Variants in DUSP16 observed in about 807,000 individuals in gnomAD.
DUSP16 encodes dual specificity protein phosphatase 16.
A neutral mutation model predicts 58.3 loss-of-function variants in DUSP16; 21 were observed. That is an observed-to-expected ratio of 0.36 (90% CI 0.26 to 0.52). DUSP16 has a LOEUF of 0.52. Ranked by LOEUF, DUSP16 falls within the 20% of genes least tolerant of loss-of-function variation. DUSP16 has a pLI of 0.94. For synonymous variants in DUSP16, 320 were observed against 323.8 expected (o/e 0.99, Z 0.12); for missense variants, 726 against 819.0 (o/e 0.89, Z 1.39).
intron 3 of DUSP16, among the ~76,000 whole-genome samples, chr12:12,511,249 A>C (rs911540193): frequency 6.6e-6 from 1 of 152,324 alleles, no homozygotes; most frequent in Non-Finnish European, 1.5e-5. Flanking sequence ...GTAGCAGAAG[A>C]CCAGAAAACC....
intron 3 of DUSP16, among the ~76,000 whole-genome samples, chr12:12,515,827 G>C (rs1339387553): frequency 6.6e-6 from 1 of 151,856 alleles, no homozygotes; most frequent in Non-Finnish European, 1.5e-5. Flanking sequence ...CTACACCAGG[G>C]TGCAGTGATG....
At chr12:12,499,920 A>G (rs370244161) in intron 4 of DUSP16, among the ~76,000 whole-genome samples, 62 of 152,074 alleles carry the variant, frequency 4.1e-4, no homozygotes, top group Non-Finnish European at 7.2e-4. Flanking sequence ...CCATTAGGGC[A>G]CGCTTTGTCC....
At chr12:12,547,404 C>T (rs981050767) in intron 1 of DUSP16, among the ~76,000 whole-genome samples, 10 of 146,130 alleles carry the variant, frequency 6.8e-5, no homozygotes, top group African/African-American at 7.7e-5. Flanking sequence ...CTAGCCTGGG[C>T]GACAGAGCGA....
At chr12:12,545,460 T>TCC (rs755041406) in intron 1 of DUSP16, among the ~76,000 whole-genome samples, 1 of 147,756 alleles carries the variant, frequency 6.8e-6, no homozygotes, top group African/African-American at 2.6e-5. Context: ...TTTTTTTTTT[T>TCC]CCGTAAAGAC....
At chr12:12,482,052 A>G (rs1473901425) in intron 5 of DUSP16, among the ~76,000 whole-genome samples, 1 of 152,164 alleles carries the variant, frequency 6.6e-6, no homozygotes, top group Non-Finnish European at 1.5e-5. Context: ...GTTCTAACCT[A>G]TTATTGAAAA....
intron 1 of DUSP16, among the ~76,000 whole-genome samples, chr12:12,542,808 G>A (rs1944584952): frequency 6.6e-6 from 1 of 152,064 alleles, no homozygotes. Flanking sequence ...CCAAATATTT[G>A]TGTCCCCACT....
intron 5 of DUSP16, among the ~76,000 whole-genome samples, chr12:12,486,693 T>C (rs563804285): frequency 1.3e-5 from 2 of 152,342 alleles, no homozygotes; most frequent in South Asian, 4.1e-4. Context: ...CCCAAAGGCT[T>C]GTATAGGATT....
At position 12,521,387 on chromosome 12, in the gene DUSP16, C is replaced by T; in HGVS notation, c.-289G>A. Reference sequence around the variant, plus strand: ...AATAACCATTCCACAACAAAAGATGCTTTGGAGCAGCCAGCGCATTACATC... The same window carrying T: ...AATAACCATTCCACAACAAAAGATGTTTTGGAGCAGCCAGCGCATTACATC... On this transcript the variant is annotated 5_prime_UTR_variant, in exon 2 of 7. Coordinates refer to ENST00000298573, the MANE Select transcript of DUSP16 (RefSeq NM_030640.3). 7.7e-7 allele frequency: 1 copy of T among 1,293,414 alleles called. No individual in the cohort carries two copies. The highest frequency in any genetic ancestry group is 9.9e-7 in the Non-Finnish European group (1 of 1,013,928). The allele number at this position is 1,293,414 out of a possible 1,614,324, so 80.1% of individuals were successfully genotyped here. A position where few individuals can be genotyped will look rare whatever the true frequency, so the allele number is the denominator to read the frequency against.
chr12:12,556,755 A>G lies in DUSP16; in HGVS notation c.-366+5362T>C, dbSNP rs117776335. ...ATAACAAAACAAACCTGGCAGTCCA[A>G]TAACTACAGGAAAGATCAAGACTTC... On this transcript the variant is annotated intron_variant, in intron 1 of 6. Coordinates refer to ENST00000298573, the MANE Select transcript of DUSP16 (RefSeq NM_030640.3). Among the ~76,000 whole-genome samples, 503 of 152,330 alleles carry G rather than the reference A, an allele frequency of 3.3e-3. 1 individual carries two copies. Among genetic ancestry groups the G allele is most frequent in the South Asian group, 7.2e-3 (35 of 4,834 alleles).
intron 5 of DUSP16, among the ~76,000 whole-genome samples, chr12:12,485,786 CTTTTTTTTTT>C (rs749939375): frequency 6.1e-4 from 66 of 107,682 alleles, no homozygotes; most frequent in Middle Eastern, 5.3e-3. Flanking sequence ...GCCAATTCCA[CTTTTTTTTTT>C]TTTTTTTTTT....
chr12:12,511,032 C>T (rs189468369), intron 3 of DUSP16, among the ~76,000 whole-genome samples: 27 of 152,328 alleles, frequency 1.8e-4, no homozygotes, highest in African/African-American at 6.0e-4. Context: ...AATTTTGTAA[C>T]TTATCTTAAG....
Position 12,480,395 on chromosome 12 carries a change from C to T in DUSP16, c.692-49G>A, listed in dbSNP as rs377306900. On this transcript the variant is annotated intron_variant, in intron 5 of 6. Coordinates refer to ENST00000298573, the MANE Select transcript of DUSP16 (RefSeq NM_030640.3). Reference sequence around the variant, plus strand: ...GGTCACTACTAACTATTTTGTTCAGCAGTGAAATCTTGTTTCCATTTACTT... The same window carrying T: ...GGTCACTACTAACTATTTTGTTCAGTAGTGAAATCTTGTTTCCATTTACTT... The T allele has an allele frequency of 3.2e-6, 5 of 1,587,062 alleles. No individual in the cohort carries two copies. In the African/African-American group the frequency reaches 5.4e-5, roughly 17 times the overall value.
intron 1 of DUSP16, among the ~76,000 whole-genome samples, chr12:12,531,587 C>G (rs904956611): frequency 6.6e-6 from 1 of 152,222 alleles, no homozygotes; most frequent in Admixed American, 6.5e-5. Flanking sequence ...AAAGTCTACA[C>G]AACAAGGAGG....
chr12:12,517,405 T>C (rs1347117215), intron 3 of DUSP16, among the ~76,000 whole-genome samples: 5 of 152,202 alleles, frequency 3.3e-5, no homozygotes, highest in Non-Finnish European at 5.9e-5. Context: ...AGGGTGCTTT[T>C]CAGTTATTTC....
chr12:12,511,444 C>T (rs1315439082), intron 3 of DUSP16, among the ~76,000 whole-genome samples: 1 of 152,076 alleles, frequency 6.6e-6, no homozygotes, highest in Non-Finnish European at 1.5e-5. Flanking sequence ...ACAAAAAATC[C>T]ACTCTGGTCT....
chr12:12,547,815 T>C (rs1220824315), intron 1 of DUSP16, among the ~76,000 whole-genome samples: 1 of 152,170 alleles, frequency 6.6e-6, no homozygotes, highest in African/African-American at 2.4e-5. Context: ...AGTTAGATAA[T>C]ACTGAGATTC....
rs1371729146 is a variant in DUSP16 at position 12,562,231 on chromosome 12, G to A, written c.-480C>T. On this transcript the variant is annotated 5_prime_UTR_variant, in exon 1 of 7. Transcript: ENST00000298573. ...GCGAGGCGCCGCCGCGGAGCCGAGAGGGCGGCTGCGCTCCCGCTCGCGTCC... is the reference window on the plus strand; with the variant it reads ...GCGAGGCGCCGCCGCGGAGCCGAGAAGGCGGCTGCGCTCCCGCTCGCGTCC... The A allele has an allele frequency of 1.3e-5, 2 of 152,396 alleles. No homozygotes were observed. Among genetic ancestry groups the A allele is most frequent in the Non-Finnish European group, 1.5e-5 (1 of 68,164 alleles). The allele number at this position is 152,396 out of a possible 1,614,324, so 9.4% of individuals were successfully genotyped here.
chr12:12,500,508 A>C lies in DUSP16; in HGVS notation c.531+11T>G. 2.5e-6 allele frequency: 4 copies of C among 1,593,984 alleles called. No individual in the cohort carries two copies. Among genetic ancestry groups the C allele is most frequent in the Non-Finnish European group, 3.4e-6 (4 of 1,172,780 alleles). ...AAACCCAGCAATGAAGGATATTTTC[A>C]AAGCACCCACCTTGTTGAGGACATC... On this transcript the variant is annotated intron_variant, in intron 4 of 6. Transcript: ENST00000298573.
chr12:12,543,498 C>A (rs1944595668), intron 1 of DUSP16, among the ~76,000 whole-genome samples: 1 of 152,078 alleles, frequency 6.6e-6, no homozygotes, highest in Admixed American at 6.5e-5. Context: ...AATCTGAGAT[C>A]TAGAAATTCT....
Sources: gnomAD v4.1 joint callset for allele counts (sites outside exome capture counted in the v4.1 genomes callset) on GRCh38, gnomAD v4.1.1 for gene constraint, MANE v1.5 for transcripts, NCBI Gene and HGNC (gene_info 2026-07-23, HGNC 2026-07-21) for gene names.